The following SNTG2 variants were observed in gnomAD, a reference collection of about 807,000 sequenced individuals.
SNTG2 encodes the protein gamma-2-syntrophin.
Under a neutral mutation model 70.9 loss-of-function variants are expected in SNTG2, and 74 were observed. That is an observed-to-expected ratio of 1.04 (90% CI 0.86 to 1.27). The LOEUF (loss-of-function observed/expected upper bound fraction) is 1.27, where lower values mean the gene tolerates loss of function less well. Ranked by LOEUF, SNTG2 falls within the 50% of genes most tolerant of loss-of-function variation. The pLI, the probability that SNTG2 is intolerant of heterozygous loss-of-function variation, is 0.00. For synonymous variants in SNTG2, 278 were observed against 273.8 expected (o/e 1.02, Z -0.15); for missense variants, 717 against 690.7 (o/e 1.04, Z -0.43).
At chr2:1,065,076 G>A (rs988834377) in intron 1 of SNTG2, among the ~76,000 whole-genome samples, 7 of 152,146 alleles carry the variant, frequency 4.6e-5, no homozygotes, top group South Asian at 4.2e-4. Flanking sequence ...CACTCTGTCC[G>A]TTGGTTACAC....
At chr2:1,238,280 C>T (rs1483820488) in intron 10 of SNTG2, among the ~76,000 whole-genome samples, 1 of 152,134 alleles carries the variant, frequency 6.6e-6, no homozygotes. Flanking sequence ...CTGTCTCTCT[C>T]CCTCCCTTCC....
intron 1 of SNTG2, among the ~76,000 whole-genome samples, chr2:1,028,604 G>A (rs1391651921): frequency 6.6e-6 from 1 of 152,172 alleles, no homozygotes; most frequent in Non-Finnish European, 1.5e-5. Flanking sequence ...GAAACCCTCT[G>A]CTTTCCCTTC....
rs559508407 is a variant in SNTG2, at chr2:1,338,950, A to G, written c.1488+22575A>G. ...TTATGGAACTGCTCATCTGTTCTCC[A>G]CAGCGCCTATACTTGTTTACATTCC... On this transcript the variant is annotated intron_variant, in intron 16 of 16. Transcript: ENST00000308624. Among the ~76,000 whole-genome samples, 4 of 152,352 alleles carry G rather than the reference A, an allele frequency of 2.6e-5. No individual in the cohort carries two copies. In the South Asian group the frequency reaches 8.3e-4, roughly 32 times the overall value.
At position 1,138,276 on chromosome 2, in the gene SNTG2, G is replaced by A. The variant is rs115779807; in HGVS notation, c.411+467G>A. On this transcript the variant is annotated intron_variant, in intron 6 of 16. Coordinates refer to ENST00000308624, the MANE Select transcript of SNTG2 (RefSeq NM_018968.4). Reference sequence around the variant, plus strand: ...GAATGTGTGCCGTGGAGGACACCAGGTGAGACCTCTGAGGATCACATAAGA... The same window carrying A: ...GAATGTGTGCCGTGGAGGACACCAGATGAGACCTCTGAGGATCACATAAGA... 1.9e-3 allele frequency among the ~76,000 whole-genome samples: 290 copies of A among 152,350 alleles called. 1 individual carries two copies. Among genetic ancestry groups the A allele is most frequent in the African/African-American group, 6.8e-3 (284 of 41,580 alleles).
chr2:1,295,694 G>T (rs994268369), intron 14 of SNTG2, among the ~76,000 whole-genome samples: 1 of 151,600 alleles, frequency 6.6e-6, no homozygotes, highest in African/African-American at 2.4e-5. Flanking sequence ...ACTGTAGAAG[G>T]CTGAGTCTCC....
rs192719191 is a variant in SNTG2 at position 1,321,400 on chromosome 2, T to C, written c.1488+5025T>C. On this transcript the variant is annotated intron_variant, in intron 16 of 16. Transcript: ENST00000308624. ...CCCACTGAAAATTACGCCTCTGCCA[T>C]CAATGAGTCAGCCGAGTGTGCCAGC... 2.3e-3 allele frequency among the ~76,000 whole-genome samples: 355 copies of C among 152,244 alleles called. 3 individuals carry two copies. The highest frequency in any genetic ancestry group is 3.4e-3 in the Non-Finnish European group (230 of 68,014).
intron 4 of SNTG2, among the ~76,000 whole-genome samples, chr2:1,118,499 A>G (rs1483386054): frequency 6.6e-6 from 1 of 152,136 alleles, no homozygotes; most frequent in African/African-American, 2.4e-5. Context: ...GCCCATCTGT[A>G]TGTGAAAATC....
chr2:1,253,942 A>G (rs549664684), intron 12 of SNTG2, among the ~76,000 whole-genome samples: 20 of 152,214 alleles, frequency 1.3e-4, no homozygotes, highest in African/African-American at 4.8e-4. Flanking sequence ...CCAGAGAAGG[A>G]GGAAGAGAGG....
At chr2:992,840 G>T (rs1016734359) in intron 1 of SNTG2, among the ~76,000 whole-genome samples, 7 of 152,088 alleles carry the variant, frequency 4.6e-5, no homozygotes. Flanking sequence ...CCAAAAGTCT[G>T]CAGTTCGGTG....
intron 15 of SNTG2, among the ~76,000 whole-genome samples, chr2:1,309,771 T>C (rs1284351810): frequency 1.3e-5 from 2 of 152,216 alleles, no homozygotes; most frequent in African/African-American, 4.8e-5. Context: ...TGCATAAGCA[T>C]TGAATAAGAA....
At chr2:1,006,858 C>T (rs182680605) in intron 1 of SNTG2, among the ~76,000 whole-genome samples, 2 of 151,876 alleles carry the variant, frequency 1.3e-5, no homozygotes, top group Admixed American at 1.3e-4. Flanking sequence ...AAACAAACAC[C>T]CTTTCTACTA....
intron 6 of SNTG2, among the ~76,000 whole-genome samples, chr2:1,154,303 T>C (rs1358358602): frequency 6.6e-6 from 1 of 152,190 alleles, no homozygotes; most frequent in Non-Finnish European, 1.5e-5. Flanking sequence ...AGATGGCATC[T>C]TCCCGGAGGG....
chr2:1,172,986 G>C lies in SNTG2; in HGVS notation c.500-106G>C, dbSNP rs1172412520. 6 of 959,324 alleles carry C rather than the reference G, an allele frequency of 6.3e-6. No individual in the cohort carries two copies. The African/African-American group carries it at 6.6e-5, about 11-fold the overall frequency. The allele number at this position is 959,324 out of a possible 1,614,324, so 59.4% of individuals were successfully genotyped here. The stretch of plus-strand genomic sequence containing the variant: ...CCCATAACTGGACACCAGGCATTTT[G>C]GTGCTGGTAACTTCCCATGCACAGG... On this transcript the variant is annotated intron_variant, in intron 7 of 16. Coordinates refer to ENST00000308624, the MANE Select transcript of SNTG2 (RefSeq NM_018968.4).
chr2:1,101,491 A>G (rs1665777882), intron 4 of SNTG2, among the ~76,000 whole-genome samples: 2 of 152,200 alleles, frequency 1.3e-5, no homozygotes, highest in South Asian at 4.1e-4. Flanking sequence ...CATTTATTTT[A>G]TGTCTTCCAT....
At chr2:1,149,302 G>C (rs1477118721) in intron 6 of SNTG2, among the ~76,000 whole-genome samples, 1 of 152,038 alleles carries the variant, frequency 6.6e-6, no homozygotes, top group Non-Finnish European at 1.5e-5. Flanking sequence ...TGCAGCTCTG[G>C]GAATTGCCCC....
rs560395781 is a variant in SNTG2 at position 1,272,375 on chromosome 2, G to A, written c.1284+4804G>A. 1.8e-3 allele frequency among the ~76,000 whole-genome samples: 269 copies of A among 149,020 alleles called. 2 individuals carry two copies. The highest frequency in any genetic ancestry group is 6.6e-3 in the African/African-American group (263 of 40,090). ...GAGAATCTAATACTTCTGCTCATCTGACAGGAGGCAGAGGTCAGGTGGTAA... is the reference window on the plus strand; with the variant it reads ...GAGAATCTAATACTTCTGCTCATCTAACAGGAGGCAGAGGTCAGGTGGTAA... On this transcript the variant is annotated intron_variant, in intron 14 of 16. Coordinates refer to ENST00000308624, the MANE Select transcript of SNTG2 (RefSeq NM_018968.4).
chr2:1,095,723 G>A (rs1665347026), intron 2 of SNTG2, among the ~76,000 whole-genome samples: 1 of 152,160 alleles, frequency 6.6e-6, no homozygotes, highest in Non-Finnish European at 1.5e-5. Flanking sequence ...TTCTCAAAAT[G>A]TATTTTCTCT....
chr2:1,076,830 A>C (rs936086341), intron 1 of SNTG2, among the ~76,000 whole-genome samples: 1 of 152,046 alleles, frequency 6.6e-6, no homozygotes, highest in East Asian at 1.9e-4. Flanking sequence ...TTAAATAATC[A>C]ATAATAAATA....
chr2:997,280 G>T (rs1270788377), intron 1 of SNTG2, among the ~76,000 whole-genome samples: 1 of 152,200 alleles, frequency 6.6e-6, no homozygotes, highest in Non-Finnish European at 1.5e-5. Flanking sequence ...ACAGAAGCCT[G>T]GATGTCAGCC....
Sources: allele counts gnomAD v4.1 joint callset (sites outside exome capture counted in the v4.1 genomes callset), GRCh38; gene constraint gnomAD v4.1.1; transcripts MANE v1.5; gene names NCBI Gene and HGNC (gene_info 2026-07-23, HGNC 2026-07-21).